EYA1: variants seen among roughly 807,000 people sequenced by gnomAD.
The protein encoded by EYA1 is EYA transcriptional coactivator and phosphatase 1.
A neutral mutation model predicts 82.0 loss-of-function variants in EYA1; 16 were observed. The ratio of observed to expected loss-of-function variants is 0.20; its 90% confidence interval spans 0.13 to 0.30. The LOEUF (loss-of-function observed/expected upper bound fraction) is 0.30. Among genes scored for constraint, EYA1 ranks in the 10% least tolerant of loss-of-function variants. The pLI, the probability that EYA1 is intolerant of heterozygous loss-of-function variation, is 1.00. For synonymous variants in EYA1, 261 were observed against 264.4 expected (o/e 0.99, Z 0.12); for missense variants, 633 against 730.7 (o/e 0.87, Z 1.54).
rs1055832664 is a variant in EYA1, at chr8:71,303,577, C to T, written c.557-3857G>A. 1.3e-4 allele frequency among the ~76,000 whole-genome samples: 18 copies of T among 141,130 alleles called. 3 individuals carry two copies. Among genetic ancestry groups the T allele is most frequent in the African/African-American group, 3.5e-4 (14 of 40,148 alleles). 92.6% of individuals were successfully genotyped at this position (141,130 alleles called of 152,430 possible). A position where few individuals can be genotyped will look rare whatever the true frequency, so the allele number is the denominator to read the frequency against. The stretch of plus-strand genomic sequence containing the variant: ...AGGCTCAAGCAATATTAATTTTTCA[C>T]GACCAGAATCAAGTTCGCAGGGCCG... On this transcript the variant is annotated intron_variant, in intron 7 of 17. Transcript: ENST00000340726.
intron 2 of EYA1, among the ~76,000 whole-genome samples, chr8:71,423,108 A>G (rs1012666411): frequency 2.0e-5 from 3 of 152,088 alleles, no homozygotes; most frequent in Non-Finnish European, 2.9e-5. Flanking sequence ...AAAAGATGTT[A>G]TAAAGTACTA....
intron 2 of EYA1, among the ~76,000 whole-genome samples, chr8:71,514,450 A>G (rs1291781390): frequency 6.6e-6 from 1 of 152,146 alleles, no homozygotes; most frequent in Non-Finnish European, 1.5e-5. Context: ...AACTGATACT[A>G]TGTATTAGTC....
chr8:71,525,010 A>G (rs1043284738), intron 2 of EYA1, among the ~76,000 whole-genome samples: 12 of 152,228 alleles, frequency 7.9e-5, no homozygotes, highest in African/African-American at 2.7e-4. Flanking sequence ...GTATGTTACT[A>G]CATTGCTTAC....
chr8:71,303,563 A>C (rs1230104913), intron 7 of EYA1, among the ~76,000 whole-genome samples: 1 of 141,074 alleles, frequency 7.1e-6, no homozygotes, highest in Non-Finnish European at 1.6e-5. Context: ...GGCTCAAGCA[A>C]TATTAATTTT....
intron 2 of EYA1, among the ~76,000 whole-genome samples, chr8:71,525,214 C>G (rs2031005373): frequency 6.6e-6 from 1 of 152,262 alleles, no homozygotes; most frequent in Non-Finnish European, 1.5e-5. Flanking sequence ...CCTCCTCTAC[C>G]CTCACAGGTA....
chr8:71,353,338 A>G (rs1826496228), intron 3 of EYA1, among the ~76,000 whole-genome samples: 1 of 152,186 alleles, frequency 6.6e-6, no homozygotes, highest in African/African-American at 2.4e-5. Context: ...GCTTGCTTTA[A>G]TTTTATTTGC....
chr8:71,481,072 T>C (rs2129211872), intron 2 of EYA1, among the ~76,000 whole-genome samples: 1 of 152,272 alleles, frequency 6.6e-6, no homozygotes, highest in Admixed American at 6.5e-5. Context: ...TATTAGAATA[T>C]TTCAAGGCAT....
chr8:71,353,632 A>G (rs1826532735), intron 3 of EYA1, among the ~76,000 whole-genome samples: 1 of 152,258 alleles, frequency 6.6e-6, no homozygotes, highest in Non-Finnish European at 1.5e-5. Flanking sequence ...GAAACAACTG[A>G]TTTTATATCT....
At chr8:71,412,469 A>G (rs1586667264) in intron 2 of EYA1, among the ~76,000 whole-genome samples, 1 of 152,134 alleles carries the variant, frequency 6.6e-6, no homozygotes, top group East Asian at 1.9e-4. Context: ...ATGCAATAAT[A>G]GTATGATAAC....
intron 2 of EYA1, among the ~76,000 whole-genome samples, chr8:71,412,251 G>A (rs1830638831): frequency 9.5e-6 from 1 of 104,940 alleles, no homozygotes; most frequent in Non-Finnish European, 1.8e-5. Flanking sequence ...AGGGGGGAGG[G>A]ATAGCATTGG....
chr8:71,534,904 TAAAA>T (rs35440740), intron 2 of EYA1, among the ~76,000 whole-genome samples: 2 of 126,148 alleles, frequency 1.6e-5, no homozygotes, highest in East Asian at 4.5e-4. Context: ...AAATGAAAGC[TAAAA>T]AAAAAAAAAA....
chr8:71,266,854 T>C (rs774617389), intron 11 of EYA1, among the ~76,000 whole-genome samples: 1 of 152,312 alleles, frequency 6.6e-6, no homozygotes, highest in East Asian at 1.9e-4. Context: ...TCAACAAATA[T>C]ACGACTATTT....
intron 4 of EYA1, among the ~76,000 whole-genome samples, chr8:71,329,766 A>C (rs775317984): frequency 1.7e-4 from 26 of 152,226 alleles, no homozygotes; most frequent in Non-Finnish European, 2.8e-4. Flanking sequence ...AACAAGACAG[A>C]ATCCCTGCCA....
intron 4 of EYA1, among the ~76,000 whole-genome samples, chr8:71,327,887 C>T (rs1021751158): frequency 8.1e-5 from 11 of 135,042 alleles, no homozygotes; most frequent in Non-Finnish European, 1.5e-4. Context: ...GACAGAGTCT[C>T]ACCCTGTCGC....
At chr8:71,355,047 C>A in intron 2 of EYA1, 138 bp from the exon 3 acceptor site, 1 of 872,568 alleles carries the variant, frequency 1.1e-6, no homozygotes, top group South Asian at 1.4e-5. Context: ...CAAAATAATT[C>A]ATCTCACATT....
intron 11 of EYA1, among the ~76,000 whole-genome samples, chr8:71,246,547 T>G (rs939300346): frequency 6.6e-6 from 1 of 152,242 alleles, no homozygotes; most frequent in Non-Finnish European, 1.5e-5. Flanking sequence ...ACATCTGCCA[T>G]GCCTGTTAAG....
At chr8:71,412,178 A>G (rs1311829138) in intron 2 of EYA1, among the ~76,000 whole-genome samples, 1 of 125,656 alleles carries the variant, frequency 8.0e-6, no homozygotes, top group Non-Finnish European at 1.6e-5. Flanking sequence ...GAATTGAACA[A>G]TGAGATCACA....
rs577912672 is a variant in EYA1 at position 71,304,280 on chromosome 8, C to T, written c.557-4560G>A. Among the ~76,000 whole-genome samples the T allele has an allele frequency of 5.5e-4, 78 of 142,446 alleles. 4 individuals carry two copies. Among genetic ancestry groups the T allele is most frequent in the African/African-American group, 1.6e-3 (64 of 40,402 alleles). The allele number at this position is 142,446 out of a possible 152,430, so 93.5% of individuals were successfully genotyped here. A position where few individuals can be genotyped will look rare whatever the true frequency, so the allele number is the denominator to read the frequency against. On this transcript the variant is annotated intron_variant, in intron 7 of 17. Coordinates refer to ENST00000340726, the MANE Select transcript of EYA1 (RefSeq NM_000503.6). Reference sequence around the variant, plus strand: ...CCAGGAGGTGGATGCTGTTACATCCCGTTTATAGACGAAGAAACTGCCAGA... The same window carrying T: ...CCAGGAGGTGGATGCTGTTACATCCTGTTTATAGACGAAGAAACTGCCAGA...
chr8:71,229,358 C>G (rs937108978), intron 12 of EYA1, among the ~76,000 whole-genome samples: 1 of 152,144 alleles, frequency 6.6e-6, no homozygotes, highest in Non-Finnish European at 1.5e-5. Context: ...GTGTATTTCA[C>G]GTTCTTTCCA....
Sources: allele counts gnomAD v4.1 joint callset (sites outside exome capture counted in the v4.1 genomes callset), GRCh38; gene constraint gnomAD v4.1.1; transcripts MANE v1.5; gene names NCBI Gene and HGNC (gene_info 2026-07-23, HGNC 2026-07-21).